Variants in INPP5D observed in about 807,000 individuals in gnomAD.
The protein encoded by INPP5D is phosphatidylinositol 3,4,5-trisphosphate 5-phosphatase 1.
In INPP5D, 33 loss-of-function variants were observed where a neutral mutation model predicts 122.9. The ratio of observed to expected loss-of-function variants is 0.27; its 90% CI spans 0.20 to 0.36. INPP5D has a LOEUF of 0.36. Among genes scored for constraint, INPP5D ranks in the 10% least tolerant of loss-of-function variants. The probability of loss-of-function intolerance (pLI) is 1.00; values close to 1 mark genes in which losing one functional copy is unlikely to be tolerated. For synonymous variants in INPP5D, 584 were observed against 576.2 expected (o/e 1.01, Z -0.19); for missense variants, 1,053 against 1,412.7 (o/e 0.75, Z 4.08).
intron 2 of INPP5D, among the ~76,000 whole-genome samples, chr2:233,117,710 C>T (rs964146622): frequency 6.6e-6 from 1 of 152,204 alleles, no homozygotes; most frequent in Non-Finnish European, 1.5e-5. Flanking sequence ...ACATCTGCCT[C>T]CTGCCGGGAC....
chr2:233,121,543 C>T (rs1057008092), intron 2 of INPP5D, among the ~76,000 whole-genome samples: 7 of 71,520 alleles, frequency 9.8e-5, no homozygotes, highest in Admixed American at 3.6e-4. Flanking sequence ...TATTTTATTT[C>T]GAGACTGAGT....
At chr2:233,166,105 C>T (rs1247071172) in intron 13 of INPP5D, among the ~76,000 whole-genome samples, 2 of 152,196 alleles carry the variant, frequency 1.3e-5, no homozygotes, top group Non-Finnish European at 2.9e-5. Context: ...CTTCCTGCCA[C>T]AGTAGAAGGG....
At chr2:233,091,414 A>G (rs1223410507) in intron 2 of INPP5D, among the ~76,000 whole-genome samples, 3 of 152,214 alleles carry the variant, frequency 2.0e-5, no homozygotes, top group Non-Finnish European at 4.4e-5. Context: ...CACTGGGCTC[A>G]GGTCAAGGTG....
intron 25 of INPP5D, among the ~76,000 whole-genome samples, chr2:233,201,267 T>C (rs1695333489): frequency 6.6e-6 from 1 of 152,136 alleles, no homozygotes; most frequent in African/African-American, 2.4e-5. Context: ...GAAATGGAGC[T>C]CTAAGCAACC....
intron 2 of INPP5D, among the ~76,000 whole-genome samples, chr2:233,104,562 A>G (rs1438807531): frequency 6.6e-6 from 1 of 152,044 alleles, no homozygotes; most frequent in Non-Finnish European, 1.5e-5. Context: ...CATGGGGGGT[A>G]GGCTCAGGGA....
chr2:233,152,059 T>C (rs561863878), intron 9 of INPP5D, among the ~76,000 whole-genome samples: 7 of 152,186 alleles, frequency 4.6e-5, no homozygotes, highest in Non-Finnish European at 1.0e-4. Context: ...ACCGGATGCA[T>C]GTGTTGGTTC....
intron 11 of INPP5D, 88 bp downstream of exon 11, chr2:233,161,914 CAT>C (rs1694208971): frequency 1.3e-6 from 2 of 1,500,070 alleles, no homozygotes; most frequent in Non-Finnish European, 1.8e-6. Flanking sequence ...GGAGTGACGA[CAT>C]CCATGTCCCC....
intron 20 of INPP5D, 145 bp downstream of exon 20, chr2:233,184,666 G>T: frequency 8.4e-7 from 1 of 1,195,436 alleles, no homozygotes; most frequent in South Asian, 1.5e-5. Context: ...GCAGGTGGAT[G>T]ACTCAAGGGG....
intron 9 of INPP5D, among the ~76,000 whole-genome samples, chr2:233,155,514 C>T (rs140009180): frequency 0.52 from 79,093 of 151,686 alleles, 21,257 homozygotes; most frequent in East Asian, 0.66. Context: ...CCCAGCTACT[C>T]GGGAGGCTGA....
intron 2 of INPP5D, among the ~76,000 whole-genome samples, chr2:233,088,624 T>C (rs1337482023): frequency 1.3e-5 from 2 of 152,206 alleles, no homozygotes; most frequent in African/African-American, 2.4e-5. Context: ...AAGAGATGGT[T>C]TATGTAAACA....
chr2:233,072,983 C>T (rs1691420247), intron 1 of INPP5D, among the ~76,000 whole-genome samples: 1 of 152,232 alleles, frequency 6.6e-6, no homozygotes, highest in South Asian at 2.1e-4. Context: ...CAGAACCTGG[C>T]AGGGCTGCAG....
At position 233,177,621 on chromosome 2, in the gene INPP5D, T is replaced by A. The variant is rs2106309777; in HGVS notation, c.2071+275T>A. Among the ~76,000 whole-genome samples, 1 of 152,356 alleles carries A rather than the reference T, an allele frequency of 6.6e-6. No individual in the cohort carries two copies. On this transcript the variant is annotated intron_variant, in intron 18 of 26. Transcript: ENST00000445964. The surrounding 1 kb of genome is among the most constrained non-coding windows in gnomAD (Gnocchi z 4.2). ...CGGAGTCTCACTCTGTCACCCAGGC[T>A]GGAGTACAATGGCATGATCTCATCT...
rs1691717271 is a variant in INPP5D, at chr2:233,082,501, A to AATT, written c.198+3104_198+3106dup. On this transcript the variant is annotated intron_variant, in intron 2 of 26. Coordinates refer to ENST00000445964, the MANE Select transcript of INPP5D (RefSeq NM_001017915.3). The surrounding 1 kb of genome is among the most constrained non-coding windows in gnomAD (Gnocchi z 4.7). ...TCCCCAAAATAAGAATCTGGCCTGA[A>AATT]ATTTTGCCAAGTGAAGCACCGAAAG... is the stretch of plus-strand genomic sequence containing the variant. 6.6e-6 allele frequency among the ~76,000 whole-genome samples: 1 copy of AATT among 152,180 alleles called. No individual in the cohort carries two copies. Among genetic ancestry groups the AATT allele is most frequent in the Non-Finnish European group, 1.5e-5 (1 of 68,028 alleles).
chr2:233,147,519 G>A lies in INPP5D; in HGVS notation c.955G>A (p.Asp319Asn), dbSNP rs752600484. The A allele has an allele frequency of 2.3e-4, 160 of 704,144 alleles. No homozygotes were observed. The highest frequency in any genetic ancestry group is 3.4e-4 in the South Asian group (23 of 67,596). 43.6% of individuals were successfully genotyped at this position (704,144 alleles called of 1,614,324 possible). ...TCCTCAGAAAATGCAGCTCAAAGTC[G>A]ACGTTGAGTCTGGGAAACTGATCAT... The part of the protein sequence containing the change: ...GIPQKMQLKV[D>N]VESGKLIIKK... The change falls in exon 9 of 27, where the codon GAC becomes AAC. Residue 319 changes from aspartate (D) to asparagine (N), a missense_variant. Physicochemically the swap from Asp to Asn is conservative, Grantham distance 23 (BLOSUM62 1). Transcript: ENST00000445964.
intron 21 of INPP5D, among the ~76,000 whole-genome samples, chr2:233,187,494 G>A (rs147220531): frequency 1.1e-4 from 17 of 152,330 alleles, no homozygotes; most frequent in Admixed American, 2.0e-4. Flanking sequence ...TCCTGAGACT[G>A]GGGTAGGATG....
chr2:233,093,990 C>T (rs566169388), intron 2 of INPP5D, among the ~76,000 whole-genome samples: 3 of 152,118 alleles, frequency 2.0e-5, no homozygotes, highest in Admixed American at 6.5e-5. Flanking sequence ...CAGATGTTGC[C>T]GTGGTCCCCT....
chr2:233,118,317 C>T (rs530134914), intron 2 of INPP5D, among the ~76,000 whole-genome samples: 1 of 152,286 alleles, frequency 6.6e-6, no homozygotes, highest in Admixed American at 6.5e-5. Flanking sequence ...CAGAATGCAA[C>T]ACCATGTGTG....
intron 6 of INPP5D, chr2:233,141,140 G>A (rs1693623665): frequency 6.6e-6 from 1 of 152,150 alleles, no homozygotes; most frequent in African/African-American, 2.4e-5. Context: ...ATGGAAATGG[G>A]TTTTCTGAAC....
intron 5 of INPP5D, chr2:233,134,046 G>C (rs1256351149): frequency 2.2e-6 from 1 of 456,220 alleles, no homozygotes; most frequent in Admixed American, 2.4e-5. Context: ...TTTGCCGCTT[G>C]ATTGGATGTG....
Sources: gnomAD v4.1 joint callset for allele counts (sites outside exome capture counted in the v4.1 genomes callset) on GRCh38, gnomAD v4.1.1 for gene constraint, Gnocchi (gnomAD v3.1) non-coding constraint, MANE v1.5 for transcripts, NCBI Gene and HGNC (gene_info 2026-07-23, HGNC 2026-07-21) for gene names.